Variants in OSBPL10 observed in about 807,000 individuals in gnomAD.
OSBPL10 encodes the protein oxysterol-binding protein-related protein 10.
In OSBPL10, 49 loss-of-function variants were observed where a neutral mutation model predicts 81.7. That is an observed-to-expected ratio of 0.60 (90% CI 0.48 to 0.76). OSBPL10 has a LOEUF of 0.76. OSBPL10 is among the 30% of genes least tolerant of loss of function. The pLI is 0.00. For synonymous variants in OSBPL10, 419 were observed against 383.6 expected (o/e 1.09, Z -1.08); for missense variants, 923 against 987.8 (o/e 0.93, Z 0.88).
chr3:31,989,752 A>G (rs562438337), intron 2 of OSBPL10: 15 of 1,614,210 alleles, frequency 9.3e-6, no homozygotes, highest in Admixed American at 3.3e-5. Flanking sequence ...GGAAGTACAC[A>G]TAAGAGAAAA....
chr3:31,878,714 A>C (rs1701543513), intron 2 of OSBPL10, among the ~76,000 whole-genome samples: 1 of 152,112 alleles, frequency 6.6e-6, no homozygotes, highest in South Asian at 2.1e-4. Flanking sequence ...GTCAAAAGAA[A>C]ATGTTACATT....
At chr3:31,816,942 T>C (rs1025397552) in intron 4 of OSBPL10, among the ~76,000 whole-genome samples, 3 of 152,112 alleles carry the variant, frequency 2.0e-5, no homozygotes, top group African/African-American at 7.2e-5. Flanking sequence ...TCTCCAGCTA[T>C]CAGCAGAGAG....
chr3:31,945,520 A>C (rs1268104158), intron 1 of OSBPL10, among the ~76,000 whole-genome samples: 1 of 152,212 alleles, frequency 6.6e-6, no homozygotes, highest in Non-Finnish European at 1.5e-5. Flanking sequence ...GACAATCTTT[A>C]AAAATTAAGA....
chr3:32,057,316 C>A (rs907796436), intron 1 of OSBPL10, among the ~76,000 whole-genome samples: 2 of 152,042 alleles, frequency 1.3e-5, no homozygotes, highest in Non-Finnish European at 2.9e-5. Flanking sequence ...GTTTAAGAAC[C>A]CTCTCCTGGG....
intron 2 of OSBPL10, among the ~76,000 whole-genome samples, chr3:32,024,470 A>T (rs1430969911): frequency 6.9e-6 from 1 of 144,794 alleles, no homozygotes; most frequent in Non-Finnish European, 1.5e-5. Flanking sequence ...GATTTTATTT[A>T]CGTATTGTGA....
intron 6 of OSBPL10, among the ~76,000 whole-genome samples, chr3:31,708,318 C>A (rs1472146295): frequency 6.6e-6 from 1 of 152,178 alleles, no homozygotes; most frequent in East Asian, 1.9e-4. Flanking sequence ...TATCTCTAGT[C>A]ATTTTCTCAT....
intron 1 of OSBPL10, among the ~76,000 whole-genome samples, chr3:31,902,218 C>T (rs1696262954): frequency 6.6e-6 from 1 of 151,332 alleles, no homozygotes; most frequent in South Asian, 2.1e-4. Context: ...AAAGATGGAC[C>T]TGGCACATAT....
chr3:31,865,606 G>A (rs1277337609), intron 3 of OSBPL10, among the ~76,000 whole-genome samples: 4 of 152,164 alleles, frequency 2.6e-5, no homozygotes, highest in Non-Finnish European at 4.4e-5. Flanking sequence ...TCATGAAAGA[G>A]CTCATGTTGT....
At chr3:31,748,643 CAAA>C (rs5847713) in intron 4 of OSBPL10, among the ~76,000 whole-genome samples, 2 of 127,682 alleles carry the variant, frequency 1.6e-5, no homozygotes, top group Non-Finnish European at 1.6e-5. Context: ...CGCTCGCTTG[CAAA>C]AAAAAAAAAA....
chr3:31,893,788 G>A (rs745616966), intron 1 of OSBPL10, among the ~76,000 whole-genome samples: 3 of 152,280 alleles, frequency 2.0e-5, no homozygotes, highest in East Asian at 3.9e-4. Context: ...TATATAAAAC[G>A]TCCAGCAAAG....
At chr3:31,876,819 T>C (rs1160806246) in intron 2 of OSBPL10, among the ~76,000 whole-genome samples, 1 of 152,188 alleles carries the variant, frequency 6.6e-6, no homozygotes, top group East Asian at 1.9e-4. Flanking sequence ...ATAATACTTA[T>C]TTAAAAAGAA....
chr3:31,988,697 C>T, intron 2 of OSBPL10: 1 of 230,856 alleles, frequency 4.3e-6, no homozygotes, highest in East Asian at 1.0e-4. Flanking sequence ...CATAAGGATA[C>T]TCAGGCCACC....
chr3:31,771,026 T>A (rs1335961494), intron 4 of OSBPL10, among the ~76,000 whole-genome samples: 1 of 152,164 alleles, frequency 6.6e-6, no homozygotes, highest in African/African-American at 2.4e-5. Flanking sequence ...TTTCCTTACC[T>A]GTAAAATGGG....
intron 1 of OSBPL10, among the ~76,000 whole-genome samples, chr3:31,969,093 T>C (rs995685716): frequency 6.6e-6 from 1 of 152,098 alleles, no homozygotes; most frequent in African/African-American, 2.4e-5. Flanking sequence ...AAGAAGCCCA[T>C]TGTTAAGGTA....
chr3:31,758,362 A>T (rs1697945506), intron 4 of OSBPL10, among the ~76,000 whole-genome samples: 1 of 152,222 alleles, frequency 6.6e-6, no homozygotes, highest in Admixed American at 6.5e-5. Context: ...GTAAACAGAT[A>T]CCACTGTTAG....
intron 3 of OSBPL10, among the ~76,000 whole-genome samples, chr3:31,869,482 A>G (rs1348227529): frequency 1.3e-5 from 2 of 152,250 alleles, no homozygotes; most frequent in Admixed American, 6.5e-5. Flanking sequence ...ATTTTAAGCA[A>G]TATCACTTTA....
At chr3:32,065,967 GA>G (rs1417022280) in intron 1 of OSBPL10, among the ~76,000 whole-genome samples, 1 of 54,512 alleles carries the variant, frequency 1.8e-5, no homozygotes, top group African/African-American at 4.1e-5. Context: ...AAGAAAGAAA[GA>G]AAGAAAGAAA....
chr3:31,849,610 A>C (rs1700711341), intron 3 of OSBPL10, among the ~76,000 whole-genome samples: 1 of 152,204 alleles, frequency 6.6e-6, no homozygotes, highest in South Asian at 2.1e-4. Flanking sequence ...AATACCCACC[A>C]AGAGATTGCT....
chr3:31,889,882 A>G (rs1326509352), intron 1 of OSBPL10, among the ~76,000 whole-genome samples: 2 of 145,342 alleles, frequency 1.4e-5, no homozygotes, highest in Non-Finnish European at 2.9e-5. Flanking sequence ...GGTATGTTGT[A>G]TGTCTCAAAA....
Sources: allele counts gnomAD v4.1 joint callset (sites outside exome capture counted in the v4.1 genomes callset), GRCh38; gene constraint gnomAD v4.1.1; transcripts MANE v1.5; gene names NCBI Gene and HGNC (gene_info 2026-07-23, HGNC 2026-07-21).